The following PLXDC2 variants were observed in gnomAD, a reference collection of about 807,000 sequenced individuals.
PLXDC2 encodes the protein plexin domain containing 2.
PLXDC2 carries 40 observed loss-of-function variants against 68.9 expected under a neutral mutation model. The observed-to-expected ratio is 0.58, with a 90% CI of 0.45 to 0.76. The LOEUF is 0.76. Ranked by LOEUF, PLXDC2 falls within the 30% of genes least tolerant of loss-of-function variation. The pLI, the probability that PLXDC2 is intolerant of heterozygous loss-of-function variation, is 0.00. For synonymous variants in PLXDC2, 243 were observed against 234.2 expected (o/e 1.04, Z -0.34); for missense variants, 644 against 661.9 (o/e 0.97, Z 0.30).
At chr10:20,190,598 A>AATATATATATAT (rs67612054) in intron 9 of PLXDC2, among the ~76,000 whole-genome samples, 2 of 148,474 alleles carry the variant, frequency 1.3e-5, no homozygotes, top group African/African-American at 4.9e-5. Context: ...AAGTGTAATA[A>AATATATATATAT]ATATATATAT....
At chr10:20,186,096 A>C (rs1019415662) in intron 9 of PLXDC2, among the ~76,000 whole-genome samples, 5 of 151,984 alleles carry the variant, frequency 3.3e-5, no homozygotes, top group Non-Finnish European at 7.4e-5. Flanking sequence ...TTTAAAATTA[A>C]AAATACGAAT....
chr10:20,259,316 A>T (rs1357539029), intron 13 of PLXDC2, among the ~76,000 whole-genome samples: 1 of 152,226 alleles, frequency 6.6e-6, no homozygotes, highest in Non-Finnish European at 1.5e-5. Flanking sequence ...GAGGAAAGTG[A>T]TTTAACAGTA....
At chr10:19,900,433 A>G (rs929116402) in intron 1 of PLXDC2, among the ~76,000 whole-genome samples, 1 of 152,128 alleles carries the variant, frequency 6.6e-6, no homozygotes, top group African/African-American at 2.4e-5. Context: ...AATGTATGCC[A>G]TTTCTTTAAA....
At chr10:19,909,273 C>A (rs1306714626) in intron 1 of PLXDC2, among the ~76,000 whole-genome samples, 2 of 152,136 alleles carry the variant, frequency 1.3e-5, no homozygotes, top group Non-Finnish European at 2.9e-5. Flanking sequence ...CAGATGAGAT[C>A]GTGAAGCTAA....
intron 2 of PLXDC2, among the ~76,000 whole-genome samples, chr10:20,037,382 T>A (rs1454499789): frequency 6.6e-6 from 1 of 152,102 alleles, no homozygotes; most frequent in Non-Finnish European, 1.5e-5. Context: ...TATTGTACTT[T>A]AAGTTCTAGG....
intron 2 of PLXDC2, among the ~76,000 whole-genome samples, chr10:20,019,307 C>T (rs1490628470): frequency 6.6e-6 from 1 of 152,160 alleles, no homozygotes; most frequent in Non-Finnish European, 1.5e-5. Context: ...GATGAAGTAA[C>T]TGGGTCCAGT....
chr10:19,889,333 A>T (rs1342582214), intron 1 of PLXDC2, among the ~76,000 whole-genome samples: 2 of 151,910 alleles, frequency 1.3e-5, no homozygotes, highest in Non-Finnish European at 2.9e-5. Context: ...TGCTCTTGGG[A>T]CCGTGAATTA....
rs114561736 is a variant in PLXDC2, at chr10:20,259,058, A to G, written c.1473+13553A>G. ...GAAAGGATGGAAAACTTCAATCTTA[A>G]TCAGGATGAGCTAAGAGGAAGCTAC... is the stretch of plus-strand genomic sequence containing the variant. On this transcript the variant is annotated intron_variant, in intron 13 of 13. Transcript: ENST00000377252. Among the ~76,000 whole-genome samples, 1,453 of 152,068 alleles carry G rather than the reference A, an allele frequency of 9.6e-3. 23 individuals are homozygous for G. Among genetic ancestry groups the G allele is most frequent in the African/African-American group, 0.033 (1,356 of 41,508 alleles).
chr10:20,218,425 T>A (rs891710597), intron 11 of PLXDC2, among the ~76,000 whole-genome samples: 1 of 152,190 alleles, frequency 6.6e-6, no homozygotes. Context: ...TTTTACTGCT[T>A]TTAAAAGCAA....
intron 2 of PLXDC2, among the ~76,000 whole-genome samples, chr10:20,032,992 T>G (rs939208163): frequency 7.4e-6 from 1 of 134,758 alleles, no homozygotes; most frequent in Non-Finnish European, 1.5e-5. Flanking sequence ...ATGAGAACAC[T>G]TGGACACAGG....
intron 1 of PLXDC2, among the ~76,000 whole-genome samples, chr10:19,861,183 C>T (rs1376200277): frequency 6.6e-6 from 1 of 151,906 alleles, no homozygotes; most frequent in Admixed American, 6.6e-5. Context: ...TATGGACACC[C>T]ACCACCACGC....
At chr10:19,851,087 A>T (rs936247985) in intron 1 of PLXDC2, among the ~76,000 whole-genome samples, 1 of 152,182 alleles carries the variant, frequency 6.6e-6, no homozygotes, top group South Asian at 2.1e-4. Context: ...GTATTTTATG[A>T]CATTGATAAG....
chr10:19,998,748 C>A (rs1203350884), intron 1 of PLXDC2, among the ~76,000 whole-genome samples: 1 of 151,992 alleles, frequency 6.6e-6, no homozygotes, highest in Non-Finnish European at 1.5e-5. Flanking sequence ...TTGACTGTAA[C>A]AGCTGTCAAT....
chr10:19,826,747 G>GT (rs1170338099), intron 1 of PLXDC2, among the ~76,000 whole-genome samples: 3 of 151,948 alleles, frequency 2.0e-5, no homozygotes, highest in Non-Finnish European at 4.4e-5. Context: ...AAAAAAGGTG[G>GT]TTTTTTTGTT....
chr10:19,821,200 C>G (rs1318075619), intron 1 of PLXDC2, among the ~76,000 whole-genome samples: 1 of 152,234 alleles, frequency 6.6e-6, no homozygotes, highest in Admixed American at 6.5e-5. Context: ...CCTGTGGCCT[C>G]AAGCACTTTC....
intron 4 of PLXDC2, among the ~76,000 whole-genome samples, chr10:20,087,343 G>T (rs942488863): frequency 2.6e-5 from 4 of 152,160 alleles, no homozygotes; most frequent in African/African-American, 4.8e-5. Context: ...GTAACTCAGA[G>T]AATATTTAAG....
chr10:20,046,209 A>T (rs1835795522), intron 2 of PLXDC2, among the ~76,000 whole-genome samples: 1 of 152,078 alleles, frequency 6.6e-6, no homozygotes, highest in Non-Finnish European at 1.5e-5. Flanking sequence ...TTTTGTTCAA[A>T]AGGACCTTTT....
At chr10:20,130,076 A>G (rs1454886204) in intron 4 of PLXDC2, among the ~76,000 whole-genome samples, 2 of 151,366 alleles carry the variant, frequency 1.3e-5, no homozygotes, top group Non-Finnish European at 2.9e-5. Flanking sequence ...TAAGAATTGC[A>G]TTTAATATGT....
In PLXDC2 at chr10:20,286,921, T is replaced by C. The variant is rs1836160442; in HGVS notation, c.*7102T>C. 1 of 152,168 alleles carries C rather than the reference T, an allele frequency of 6.6e-6. No individual in the cohort carries two copies. Among genetic ancestry groups the C allele is most frequent in the Non-Finnish European group, 1.5e-5 (1 of 68,078 alleles). 9.4% of individuals were successfully genotyped at this position (152,168 alleles called of 1,614,324 possible). A position where few individuals can be genotyped will look rare whatever the true frequency, so the allele number is the denominator to read the frequency against. ...GTATTTTTAGTAGAGACGGGGTTTC[T>C]CCATGCTGGTCAGGCTGGTCCCCAG... On this transcript the variant is annotated 3_prime_UTR_variant, in exon 14 of 14. Transcript: ENST00000377252.
Sources: allele counts gnomAD v4.1 joint callset (sites outside exome capture counted in the v4.1 genomes callset), GRCh38; gene constraint gnomAD v4.1.1; transcripts MANE v1.5; gene names NCBI Gene and HGNC (gene_info 2026-07-23, HGNC 2026-07-21).